The following PPARGC1A variants were observed in gnomAD, a reference collection of about 807,000 sequenced individuals.
PPARGC1A encodes peroxisome proliferator-activated receptor gamma coactivator 1-alpha.
PPARGC1A carries 25 observed loss-of-function variants against 88.7 expected under a neutral mutation model. That is an observed-to-expected ratio of 0.28 (90% CI 0.21 to 0.39). The LOEUF is 0.39. PPARGC1A is among the 10% of genes least tolerant of loss of function. PPARGC1A has a pLI of 1.00. For missense variants in PPARGC1A, 880 were observed against 968.7 expected (o/e 0.91, Z 1.22); for synonymous variants, 363 against 355.6 (o/e 1.02, Z -0.24).
chr4:24,082,063 G>A, the PPARGC1A span, among the ~76,000 whole-genome samples: 1 of 152,124 alleles, frequency 6.6e-6, no homozygotes, highest in Non-Finnish European at 1.5e-5. Flanking sequence ...TCCCTAAAGT[G>A]TAGTCATATT....
the PPARGC1A span, among the ~76,000 whole-genome samples, chr4:24,386,568 A>G: frequency 1.3e-5 from 2 of 152,216 alleles, no homozygotes; most frequent in Non-Finnish European, 2.9e-5. Context: ...GTCAATGTGC[A>G]CAAATCACAA....
chr4:23,999,444 C>A, the PPARGC1A span, among the ~76,000 whole-genome samples: 1 of 152,200 alleles, frequency 6.6e-6, no homozygotes, highest in African/African-American at 2.4e-5. Context: ...GGAAACTCAG[C>A]ATTAGACTCT....
intron 2 of PPARGC1A, among the ~76,000 whole-genome samples, chr4:23,841,170 G>A (rs1237724610): frequency 6.6e-6 from 1 of 152,064 alleles, no homozygotes; most frequent in Admixed American, 6.6e-5. Flanking sequence ...TCTTGAAAGA[G>A]TCAAGATGCT....
chr4:24,219,733 T>C, the PPARGC1A span, among the ~76,000 whole-genome samples: 15,230 of 152,132 alleles, frequency 0.1, 1,022 homozygotes, highest in Non-Finnish European at 0.14. Flanking sequence ...TGATGATCAG[T>C]GTGGGGTACC....
the PPARGC1A span, among the ~76,000 whole-genome samples, chr4:24,121,420 G>T: frequency 6.6e-6 from 1 of 152,128 alleles, no homozygotes; most frequent in Admixed American, 6.5e-5. Context: ...CCTCCTCATT[G>T]CAGGAGTTTC....
the PPARGC1A span, among the ~76,000 whole-genome samples, chr4:23,987,352 G>A: frequency 6.6e-6 from 1 of 151,940 alleles, no homozygotes; most frequent in Non-Finnish European, 1.5e-5. Context: ...CATGCATATT[G>A]TAAATCACAT....
the PPARGC1A span, among the ~76,000 whole-genome samples, chr4:23,932,642 AT>A: frequency 3.2e-4 from 49 of 150,832 alleles, no homozygotes; most frequent in South Asian, 7.7e-3. Context: ...AGCTTAACGA[AT>A]TTTTTTTTTG....
chr4:24,289,212 T>C, the PPARGC1A span, among the ~76,000 whole-genome samples: 1 of 99,930 alleles, frequency 1.0e-5, no homozygotes, highest in African/African-American at 4.3e-5. Context: ...AGAGTGAGAC[T>C]CCGTCTCAAA....
chr4:24,064,284 C>G, the PPARGC1A span, among the ~76,000 whole-genome samples: 1 of 152,170 alleles, frequency 6.6e-6, no homozygotes, highest in African/African-American at 2.4e-5. Context: ...TACCCTGGCT[C>G]TATAGCAAGT....
chr4:23,823,330 G>A lies in PPARGC1A; in HGVS notation c.877+950C>T, dbSNP rs1241967036. ...TATTATATAATAATATATTAGTGTG[G>A]TTTATACAAGAAAGATGAATCAATA... On this transcript the variant is annotated intron_variant, in intron 7 of 12. Transcript: ENST00000264867. Among the ~76,000 whole-genome samples the A allele has an allele frequency of 4.0e-5, 6 of 151,820 alleles. No individual in the cohort carries two copies. In the East Asian group the frequency reaches 1.2e-3, roughly 29 times the overall value.
At chr4:23,937,844 T>G in the PPARGC1A span, among the ~76,000 whole-genome samples, 1 of 152,230 alleles carries the variant, frequency 6.6e-6, no homozygotes, top group Non-Finnish European at 1.5e-5. Context: ...GATATTTTTC[T>G]GCCTCATCAT....
the PPARGC1A span, among the ~76,000 whole-genome samples, chr4:24,220,641 C>T: frequency 1.3e-5 from 2 of 152,122 alleles, no homozygotes; most frequent in African/African-American, 2.4e-5. Context: ...TGAAATAATG[C>T]ACGTTCTCAC....
At chr4:23,849,273 A>T (rs1440718845) in intron 2 of PPARGC1A, among the ~76,000 whole-genome samples, 1 of 152,214 alleles carries the variant, frequency 6.6e-6, no homozygotes. Context: ...TCGTTATTTA[A>T]AATTGTTTTC....
At chr4:24,201,905 ATT>A in the PPARGC1A span, among the ~76,000 whole-genome samples, 10 of 141,528 alleles carry the variant, frequency 7.1e-5, no homozygotes, top group Admixed American at 1.4e-4. Flanking sequence ...TGGTTATATC[ATT>A]TTTTTTTTTT....
upstream of PPARGC1A, chr4:23,904,068 C>A (rs1719748611): frequency 3.1e-6 from 3 of 982,160 alleles, no homozygotes; most frequent in Non-Finnish European, 3.6e-6. Flanking sequence ...ATACTGGTAT[C>A]ATGAGATGAG....
At chr4:24,063,149 C>G in the PPARGC1A span, among the ~76,000 whole-genome samples, 1 of 152,118 alleles carries the variant, frequency 6.6e-6, no homozygotes, top group Non-Finnish European at 1.5e-5. Flanking sequence ...CAAGTGGGCC[C>G]TTTCATACTC....
At chr4:24,017,444 A>G in the PPARGC1A span, among the ~76,000 whole-genome samples, 3 of 152,048 alleles carry the variant, frequency 2.0e-5, no homozygotes, top group Non-Finnish European at 4.4e-5. Flanking sequence ...AGGGGATTTG[A>G]GGGTAATGGA....
At chr4:24,355,528 T>G in the PPARGC1A span, among the ~76,000 whole-genome samples, 1 of 152,132 alleles carries the variant, frequency 6.6e-6, no homozygotes, top group Admixed American at 6.5e-5. Flanking sequence ...ATCCCAGGTG[T>G]GGGTCAATGG....
the PPARGC1A span, among the ~76,000 whole-genome samples, chr4:24,259,735 A>G: frequency 2.0e-5 from 3 of 152,158 alleles, no homozygotes; most frequent in African/African-American, 4.8e-5. Context: ...GAATTCATGA[A>G]TCACAGCATT....
Sources: gnomAD v4.1 joint callset for allele counts (sites outside exome capture counted in the v4.1 genomes callset) on GRCh38, gnomAD v4.1.1 for gene constraint, MANE v1.5 for transcripts, NCBI Gene and HGNC (gene_info 2026-07-23, HGNC 2026-07-21) for gene names.